Variants in CORO2B observed in about 807,000 individuals in gnomAD.
The protein encoded by CORO2B is coronin 2B, also known as coronin-2B.
In CORO2B, 26 loss-of-function variants were observed where a neutral mutation model predicts 58.8. That is an observed-to-expected ratio of 0.44 (90% CI 0.32 to 0.61). The LOEUF (loss-of-function observed/expected upper bound fraction) is 0.61. CORO2B is among the 20% of genes least tolerant of loss of function. The pLI, the probability that CORO2B is intolerant of heterozygous loss-of-function variation, is 0.04. For synonymous variants in CORO2B, 242 were observed against 253.8 expected, an observed-to-expected ratio of 0.95 and a Z score of 0.44; for missense variants, 460 against 645.1, an observed-to-expected ratio of 0.71 and a Z score of 3.11.
At chr15:68,713,870 T>G in intron 5 of CORO2B, 55 bp from the exon 6 acceptor site, 1 of 1,246,194 alleles carries the variant, frequency 8.0e-7, no homozygotes, top group Non-Finnish European at 1.2e-6. Context: ...TTCATGCCAC[T>G]GCAGAACCCA....
intron 1 of CORO2B, among the ~76,000 whole-genome samples, chr15:68,635,437 G>A (rs1901002269): frequency 6.6e-6 from 1 of 152,186 alleles, no homozygotes; most frequent in Non-Finnish European, 1.5e-5. Flanking sequence ...CTGAGTGGGT[G>A]CTATTCTGCC....
chr15:68,706,710 T>C (rs1042777856), intron 3 of CORO2B, among the ~76,000 whole-genome samples: 2 of 152,102 alleles, frequency 1.3e-5, no homozygotes, highest in Non-Finnish European at 2.9e-5. Flanking sequence ...GCCTGGTATT[T>C]TTTTTTCTTT....
chr15:68,596,831 G>A (rs545341545), intron 1 of CORO2B, among the ~76,000 whole-genome samples: 2 of 152,264 alleles, frequency 1.3e-5, no homozygotes, highest in South Asian at 2.1e-4. Flanking sequence ...AAATGGCCGC[G>A]CATCACGCAG....
intron 1 of CORO2B, among the ~76,000 whole-genome samples, chr15:68,599,647 T>A (rs1412390649): frequency 6.6e-6 from 1 of 152,056 alleles, no homozygotes; most frequent in African/African-American, 2.4e-5. Context: ...CTTGAGGAAT[T>A]CTAAAGGAGG....
chr15:68,666,874 G>A (rs1040664957), intron 2 of CORO2B, among the ~76,000 whole-genome samples: 3 of 152,164 alleles, frequency 2.0e-5, no homozygotes, highest in Non-Finnish European at 2.9e-5. Flanking sequence ...CGAGATCAGC[G>A]TGTTCAGGGT....
At chr15:68,541,401 G>A in the CORO2B span, among the ~76,000 whole-genome samples, 1 of 152,148 alleles carries the variant, frequency 6.6e-6, no homozygotes, top group Non-Finnish European at 1.5e-5. Context: ...ACATAAATGA[G>A]TTCATACTCA....
intron 2 of CORO2B, among the ~76,000 whole-genome samples, chr15:68,675,338 C>T (rs574576386): frequency 2.1e-4 from 32 of 152,268 alleles, no homozygotes; most frequent in Admixed American, 1.7e-3. Context: ...TCCCTTTCCT[C>T]GGTCAGTTCA....
Position 68,710,839 on chromosome 15 carries a change from C to A in CORO2B, c.441C>A (p.Pro147=). Residue 147 remains proline (P), a synonymous_variant, in exon 4 of 12, where the codon CCC becomes CCA. Coordinates refer to ENST00000261861, the MANE Select transcript of CORO2B (RefSeq NM_006091.5). The surrounding 1 kb of genome is among the most constrained non-coding windows in gnomAD (Gnocchi z 4.1). ...GTGTGGGGCTGGTCGAGTGGCACCC[C>A]ACCACCAACAACATCCTGTTCAGCG... ...SRRVGLVEWH[P]TTNNILFSAG... 1 of 1,610,956 alleles carries A rather than the reference C, an allele frequency of 6.2e-7. No homozygotes were observed.
At chr15:68,615,277 A>G (rs1050246644) in intron 1 of CORO2B, among the ~76,000 whole-genome samples, 3 of 152,174 alleles carry the variant, frequency 2.0e-5, no homozygotes, top group Non-Finnish European at 4.4e-5. Flanking sequence ...GACAGGACTA[A>G]TGTCATCCTT....
intron 2 of CORO2B, among the ~76,000 whole-genome samples, chr15:68,689,808 T>A (rs55734137): frequency 0.22 from 33,813 of 152,178 alleles, 3,933 homozygotes; most frequent in Non-Finnish European, 0.25. Context: ...ATTTTTATGT[T>A]TGTTAAAGTA....
At chr15:68,610,298 T>C (rs1425093737) in intron 1 of CORO2B, among the ~76,000 whole-genome samples, 1 of 152,096 alleles carries the variant, frequency 6.6e-6, no homozygotes, top group Non-Finnish European at 1.5e-5. Context: ...AAGCAAATGG[T>C]TGAACCACTC....
At chr15:68,527,077 A>T in the CORO2B span, among the ~76,000 whole-genome samples, 5 of 152,214 alleles carry the variant, frequency 3.3e-5, no homozygotes, top group Admixed American at 6.5e-5. Context: ...CCAAAGACAG[A>T]GGCCTCAGTA....
At chr15:68,533,431 G>T in the CORO2B span, among the ~76,000 whole-genome samples, 1 of 152,256 alleles carries the variant, frequency 6.6e-6, no homozygotes, top group East Asian at 1.9e-4. Flanking sequence ...TAATATATGT[G>T]CAAAATTGTT....
chr15:68,577,724 CAAAA>C (rs11389925), upstream of CORO2B, among the ~76,000 whole-genome samples: 1,017 of 108,798 alleles, frequency 9.3e-3, 12 homozygotes, highest in African/African-American at 0.033. Flanking sequence ...ACTCCGGTCT[CAAAA>C]AAAAAAAAAA....
intron 1 of CORO2B, among the ~76,000 whole-genome samples, chr15:68,633,666 A>G (rs1204741027): frequency 6.6e-6 from 1 of 152,082 alleles, no homozygotes; most frequent in African/African-American, 2.4e-5. Flanking sequence ...CCTTTTTTAT[A>G]CCCAAAATGA....
At chr15:68,684,595 G>A (rs923553371) in intron 2 of CORO2B, among the ~76,000 whole-genome samples, 2 of 152,256 alleles carry the variant, frequency 1.3e-5, no homozygotes, top group Admixed American at 6.5e-5. Flanking sequence ...GCAGCACTTT[G>A]GATGAAGGAC....
chr15:68,652,389 G>A (rs558845377), intron 2 of CORO2B, among the ~76,000 whole-genome samples: 1 of 152,288 alleles, frequency 6.6e-6, no homozygotes, highest in Admixed American at 6.5e-5. Context: ...CCAGCAGCCT[G>A]ATTAACCACT....
intron 1 of CORO2B, among the ~76,000 whole-genome samples, chr15:68,640,710 G>A (rs1277938403): frequency 6.6e-6 from 1 of 152,198 alleles, no homozygotes; most frequent in Non-Finnish European, 1.5e-5. Flanking sequence ...TCTCAGATGC[G>A]ATGATGGTGA....
At chr15:68,711,430 C>A in intron 4 of CORO2B, 112 bp from the exon 5 acceptor site, 1 of 879,084 alleles carries the variant, frequency 1.1e-6, no homozygotes, top group Non-Finnish European at 1.7e-6. Context: ...CCCAGCACAC[C>A]CCAGGCCCTG....
Sources: allele counts gnomAD v4.1 joint callset (sites outside exome capture counted in the v4.1 genomes callset), GRCh38; gene constraint gnomAD v4.1.1; non-coding constraint Gnocchi (gnomAD v3.1); transcripts MANE v1.5; gene names NCBI Gene and HGNC (gene_info 2026-07-23, HGNC 2026-07-21).